The following GOSR2 variants were observed in gnomAD, a reference collection of about 807,000 sequenced individuals.
The protein encoded by GOSR2 is golgi SNAP receptor complex member 2, also known as 27 kDa Golgi SNARE protein.
In GOSR2, 20 loss-of-function variants were observed where a neutral mutation model predicts 27.9. That is an observed-to-expected ratio of 0.72 (90% confidence interval 0.50 to 1.04). GOSR2 has a LOEUF of 1.04. Ranked by LOEUF, GOSR2 falls within the 50% of genes least tolerant of loss-of-function variation. The pLI is 0.00. For synonymous variants in GOSR2, 91 were observed against 98.8 expected (o/e 0.92, Z 0.47); for missense variants, 261 against 270.5 (o/e 0.97, Z 0.25).
downstream of GOSR2, among the ~76,000 whole-genome samples, chr17:46,970,247 G>T (rs980867003): frequency 1.3e-5 from 2 of 152,110 alleles, no homozygotes; most frequent in African/African-American, 4.8e-5. Flanking sequence ...CCTGCAAAAA[G>T]ATCTCAAGAA....
chr17:46,932,254 G>A (rs1379272121), intron 4 of GOSR2, 55 bp downstream of exon 4: 1 of 1,605,914 alleles, frequency 6.2e-7, no homozygotes. Flanking sequence ...GTGGGGGCTG[G>A]AGTTCAGATC....
chr17:46,924,310 C>T (rs2086168819), intron 1 of GOSR2: 1 of 154,156 alleles, frequency 6.5e-6, no homozygotes, highest in Admixed American at 6.5e-5. Flanking sequence ...TGTTTTATGA[C>T]GGAATAATAT....
chr17:46,935,470 G>C, intron 5 of GOSR2: 1 of 1,369,596 alleles, frequency 7.3e-7, no homozygotes, highest in Non-Finnish European at 9.4e-7. Context: ...CCAATCACAG[G>C]CTGAGAAATT....
Position 46,929,576 on chromosome 17 carries a change from C to A in GOSR2, c.86C>A (p.Ser29Tyr). The stretch of plus-strand genomic sequence containing the variant: ...CGCCTGGAGACGGCAGACAAGCAGT[C>A]TGTGCACAGTGAGTAATTAACTGTG... ...MGRLETADKQSVHIVENEIQA... is the reference protein window; with the variant it reads ...MGRLETADKQYVHIVENEIQA... Residue 29 changes from serine (S) to tyrosine (Y), a missense_variant, in exon 2 of 6, where the codon TCT becomes TAT. Transcript: ENST00000640051. 1 of 1,501,724 alleles carries A rather than the reference C, an allele frequency of 6.7e-7. No homozygotes were observed. The highest frequency in any genetic ancestry group is 9.3e-7 in the Non-Finnish European group (1 of 1,077,352). The allele number at this position is 1,501,724 out of a possible 1,614,324, so 93.0% of individuals were successfully genotyped here.
chr17:46,925,267 TTTTA>T (rs1416049971), intron 1 of GOSR2, among the ~76,000 whole-genome samples: 2 of 152,238 alleles, frequency 1.3e-5, no homozygotes, highest in Non-Finnish European at 2.9e-5. Flanking sequence ...TCCAGTACAA[TTTTA>T]TTTATCAAAA....
Position 46,935,170 on chromosome 17 carries a change from G to T in GOSR2, c.477+1G>T. ...GAGGACCCAGAGACTGACCTTGAAG[G>T]TGGGGTCCCTGCTGGGGGACAGAGA... On this transcript the variant is annotated splice_donor_variant, in intron 5 of 5. Coordinates refer to ENST00000640051, the MANE Select transcript of GOSR2 (RefSeq NM_004287.5). LOFTEE classifies it high-confidence loss of function. The T allele has an allele frequency of 6.2e-7, 1 of 1,613,996 alleles. No individual in the cohort carries two copies. Among genetic ancestry groups the T allele is most frequent in the Non-Finnish European group, 8.5e-7 (1 of 1,179,828 alleles).
intron 6 of GOSR2, chr17:46,952,577 G>A (rs1311390112): frequency 6.6e-6 from 1 of 152,150 alleles, no homozygotes; most frequent in Admixed American, 6.5e-5. Flanking sequence ...TCTGGGAAAG[G>A]GTTTCAAAAG....
chr17:46,969,259 C>G (rs1346159429), downstream of GOSR2, among the ~76,000 whole-genome samples: 2 of 152,246 alleles, frequency 1.3e-5, no homozygotes, highest in African/African-American at 4.8e-5. Flanking sequence ...AGCTGCCCTT[C>G]TGGAGAGGAC....
chr17:46,926,373 G>T (rs966850459), intron 1 of GOSR2, among the ~76,000 whole-genome samples: 2 of 152,134 alleles, frequency 1.3e-5, no homozygotes, highest in African/African-American at 4.8e-5. Context: ...TTATGGGGTG[G>T]TGGGGGGCGG....
intron 6 of GOSR2, among the ~76,000 whole-genome samples, chr17:46,958,455 G>A (rs2090862728): frequency 6.6e-6 from 1 of 152,238 alleles, no homozygotes; most frequent in Non-Finnish European, 1.5e-5. Context: ...TCGAACTGAA[G>A]GAAGTGCTGA....
downstream of GOSR2, among the ~76,000 whole-genome samples, chr17:46,943,704 A>G (rs1376149337): frequency 3.3e-5 from 5 of 152,194 alleles, no homozygotes; most frequent in Non-Finnish European, 7.3e-5. Flanking sequence ...CAGCCAGGCC[A>G]GGAGGAAGCC....
At chr17:46,945,244 C>T (rs1374957106), downstream of GOSR2, among the ~76,000 whole-genome samples, 1 of 152,166 alleles carries the variant, frequency 6.6e-6, no homozygotes, top group Non-Finnish European at 1.5e-5. Flanking sequence ...TGCACGACAT[C>T]CTCCACGCAC....
At position 46,939,531 on chromosome 17, in the gene GOSR2, C is replaced by A; in HGVS notation, c.*771C>A. On this transcript the variant is annotated 3_prime_UTR_variant, in exon 6 of 6. Coordinates refer to ENST00000640051, the MANE Select transcript of GOSR2 (RefSeq NM_004287.5). ...AGAGACTGTGGCTTGGCACCTGCGC[C>A]CAGGCTTTGTGGGCCTTTGCCCCTT... The A allele has an allele frequency of 4.1e-6, 4 of 985,650 alleles. No homozygotes were observed. Among genetic ancestry groups the A allele is most frequent in the Non-Finnish European group, 4.8e-6 (4 of 830,100 alleles). The allele number at this position is 985,650 out of a possible 1,614,324, so 61.1% of individuals were successfully genotyped here. A position where few individuals can be genotyped will look rare whatever the true frequency, so the allele number is the denominator to read the frequency against.
intron 1 of GOSR2, among the ~76,000 whole-genome samples, chr17:46,926,399 A>T (rs2086504952): frequency 6.6e-6 from 1 of 152,076 alleles, no homozygotes; most frequent in African/African-American, 2.4e-5. Flanking sequence ...AGTTTCATGA[A>T]CTTTTAAAAA....
chr17:46,947,205 A>G lies in GOSR2; in HGVS notation c.583+8501A>G, dbSNP rs529563155. Among the ~76,000 whole-genome samples the G allele has an allele frequency of 1.4e-4, 22 of 152,304 alleles. No individual in the cohort carries two copies. The South Asian group carries it at 1.9e-3, about 13-fold the overall frequency. ...GGAGGGCTGGGGAAGGACCCTGTGCATGTCCTAGATTCTGTGGCCCCAGGA... is the reference window on the plus strand; with the variant it reads ...GGAGGGCTGGGGAAGGACCCTGTGCGTGTCCTAGATTCTGTGGCCCCAGGA... On this transcript the variant is annotated intron_variant, in intron 6 of 6. Coordinates refer to the GOSR2 transcript ENST00000573224.
At position 46,932,106 on chromosome 17, in the gene GOSR2, G is replaced by C; in HGVS notation, c.243G>C (p.Gln81His). 1 of 1,613,704 alleles carries C rather than the reference G, an allele frequency of 6.2e-7. No individual in the cohort carries two copies. The highest frequency in any genetic ancestry group is 2.2e-5 in the East Asian group (1 of 44,888). The part of the protein sequence containing the change: ...DQLKYDVQHL[Q>H]TALRNFQHRR... ...TAAAGTATGATGTCCAGCACCTGCAGACTGCGCTCAGAAACTTCCAGCATC... is the reference window on the plus strand; with the variant it reads ...TAAAGTATGATGTCCAGCACCTGCACACTGCGCTCAGAAACTTCCAGCATC... Residue 81 changes from glutamine to histidine, a missense_variant, in exon 4 of 6, where the codon CAG becomes CAC. Coordinates refer to ENST00000640051, the MANE Select transcript of GOSR2 (RefSeq NM_004287.5).
exon 7 of GOSR2, chr17:46,966,637 C>A (rs1463018204): frequency 3.1e-6 from 2 of 635,592 alleles, no homozygotes; most frequent in Non-Finnish European, 5.7e-6. Context: ...GTATGAGCCA[C>A]CACCCTGACC....
At chr17:46,951,981 C>T (rs2090389196) in intron 6 of GOSR2, among the ~76,000 whole-genome samples, 1 of 152,198 alleles carries the variant, frequency 6.6e-6, no homozygotes, top group African/African-American at 2.4e-5. Flanking sequence ...TCTGCATCCT[C>T]TCAGAGTGGC....
At chr17:46,944,682 C>T (rs1408561137), downstream of GOSR2, among the ~76,000 whole-genome samples, 1 of 151,854 alleles carries the variant, frequency 6.6e-6, no homozygotes, top group African/African-American at 2.4e-5. Context: ...TCACTGCAGC[C>T]TCTGCCTCCT....
Sources: gnomAD v4.1 joint callset for allele counts (sites outside exome capture counted in the v4.1 genomes callset) on GRCh38, gnomAD v4.1.1 for gene constraint, MANE v1.5 for transcripts, NCBI Gene and HGNC (gene_info 2026-07-23, HGNC 2026-07-21) for gene names.